The following ARHGAP26 variants were observed in gnomAD, a reference collection of about 807,000 sequenced individuals.
ARHGAP26 encodes the protein Rho GTPase activating protein 26.
A neutral mutation model predicts 104.8 loss-of-function variants in ARHGAP26; 38 were observed. The observed-to-expected ratio is 0.36, with a 90% confidence interval of 0.28 to 0.48. The LOEUF (loss-of-function observed/expected upper bound fraction) is 0.48. ARHGAP26 is among the 20% of genes least tolerant of loss of function. The pLI is 0.99. For missense variants in ARHGAP26, 704 were observed against 947.9 expected (o/e 0.74, Z 3.38); for synonymous variants, 341 against 340.0 (o/e 1.00, Z -0.03).
intron 6 of ARHGAP26, among the ~76,000 whole-genome samples, chr5:142,895,237 T>C (rs1759298253): frequency 1.3e-5 from 2 of 152,158 alleles, no homozygotes; most frequent in Admixed American, 6.5e-5. Flanking sequence ...CTTTTTTCTT[T>C]TTTTTTTCTT....
chr5:143,159,648 G>A (rs536050768), intron 20 of ARHGAP26, among the ~76,000 whole-genome samples: 2 of 152,296 alleles, frequency 1.3e-5, no homozygotes, highest in South Asian at 4.1e-4. Context: ...GGTCTGAGTG[G>A]TGGTATGTTT....
intron 11 of ARHGAP26, among the ~76,000 whole-genome samples, chr5:142,984,237 T>G (rs189584856): frequency 1.3e-5 from 2 of 152,344 alleles, no homozygotes; most frequent in Non-Finnish European, 2.9e-5. Flanking sequence ...CCTGTATATA[T>G]CCACTTATGT....
intron 17 of ARHGAP26, among the ~76,000 whole-genome samples, chr5:143,104,463 A>T (rs1177381639): frequency 2.6e-5 from 4 of 151,778 alleles, no homozygotes; most frequent in Non-Finnish European, 5.9e-5. Context: ...GTGAGCCGAG[A>T]TCACACCACT....
intron 22 of ARHGAP26, among the ~76,000 whole-genome samples, chr5:143,221,254 T>C (rs2151432196): frequency 6.6e-6 from 1 of 152,200 alleles, no homozygotes; most frequent in Admixed American, 6.5e-5. Context: ...AAAGTAGATA[T>C]ATATTCTTTG....
At chr5:142,821,743 G>A (rs392926) in intron 1 of ARHGAP26, among the ~76,000 whole-genome samples, 45,552 of 152,018 alleles carry the variant, frequency 0.3, 9,359 homozygotes, top group African/African-American at 0.57. Context: ...ACAATTTCCA[G>A]TGCCAACTCT....
chr5:143,185,551 T>C (rs1484238558), intron 20 of ARHGAP26, among the ~76,000 whole-genome samples: 2 of 152,250 alleles, frequency 1.3e-5, no homozygotes, highest in African/African-American at 4.8e-5. Flanking sequence ...TGTTTATTTT[T>C]GCTTTTCCAA....
At chr5:143,023,461 G>A (rs1780617186) in intron 12 of ARHGAP26, among the ~76,000 whole-genome samples, 1 of 151,776 alleles carries the variant, frequency 6.6e-6, no homozygotes, top group Admixed American at 6.6e-5. Context: ...GACATCTAAA[G>A]CCTTCAGCCA....
chr5:143,213,100 G>A (rs112845750), intron 21 of ARHGAP26, among the ~76,000 whole-genome samples: 112 of 152,082 alleles, frequency 7.4e-4, no homozygotes, highest in Non-Finnish European at 1.2e-3. Context: ...AGCCGAGATC[G>A]CACCACTGCA....
chr5:142,820,798 A>G (rs1646368991), intron 1 of ARHGAP26, among the ~76,000 whole-genome samples: 1 of 152,268 alleles, frequency 6.6e-6, no homozygotes, highest in Non-Finnish European at 1.5e-5. Context: ...TGTGTCAGGC[A>G]CATCACGTAT....
chr5:142,829,284 A>T (rs1767924913), intron 1 of ARHGAP26, among the ~76,000 whole-genome samples: 1 of 152,168 alleles, frequency 6.6e-6, no homozygotes, highest in South Asian at 2.1e-4. Flanking sequence ...ATGATTATTA[A>T]CAGTGCCCCC....
intron 11 of ARHGAP26, among the ~76,000 whole-genome samples, chr5:142,964,571 CAA>C (rs1365701830): frequency 1.5e-5 from 2 of 136,840 alleles, no homozygotes; most frequent in East Asian, 5.3e-4. Flanking sequence ...CACACACACA[CAA>C]AACAACAACA....
intron 1 of ARHGAP26, among the ~76,000 whole-genome samples, chr5:142,872,057 G>A (rs1247009844): frequency 2.0e-5 from 3 of 152,152 alleles, no homozygotes; most frequent in African/African-American, 7.2e-5. Flanking sequence ...CACAGCCCAC[G>A]CCCAGCTCTT....
intron 20 of ARHGAP26, chr5:143,170,085 G>A (rs554315744): frequency 1.3e-5 from 2 of 152,300 alleles, no homozygotes; most frequent in African/African-American, 4.8e-5. Flanking sequence ...TTCATTATCA[G>A]TGCCCATTAC....
rs78278066 is a variant in ARHGAP26, at chr5:143,133,347, G to A, written c.1699-620G>A. Among the ~76,000 whole-genome samples the A allele has an allele frequency of 5.3e-3, 807 of 152,196 alleles. 17 individuals carry two copies. Among genetic ancestry groups the A allele is most frequent in the South Asian group, 0.051 (246 of 4,820 alleles). ...GCATTTTTCAAATTGTCCATAGTAC[G>A]TGTGTGGGTGTGTGTGTGTTACTTT... On this transcript the variant is annotated intron_variant, in intron 18 of 22. Transcript: ENST00000645722.
intron 12 of ARHGAP26, among the ~76,000 whole-genome samples, chr5:143,025,096 A>G (rs1235707174): frequency 6.6e-6 from 1 of 152,202 alleles, no homozygotes; most frequent in Non-Finnish European, 1.5e-5. Context: ...ATTACCAATA[A>G]TGTCATCATT....
At chr5:142,897,228 A>G (rs1759597644) in intron 6 of ARHGAP26, among the ~76,000 whole-genome samples, 1 of 152,220 alleles carries the variant, frequency 6.6e-6, no homozygotes, top group Non-Finnish European at 1.5e-5. Flanking sequence ...CGTAGTGTGC[A>G]GATGTTTTTC....
intron 10 of ARHGAP26, among the ~76,000 whole-genome samples, chr5:142,925,588 C>T (rs1351630321): frequency 6.6e-6 from 1 of 152,184 alleles, no homozygotes; most frequent in Non-Finnish European, 1.5e-5. Context: ...AATTCATTTT[C>T]CCAGTAGCAC....
intron 20 of ARHGAP26, chr5:143,169,803 G>A (rs1200966878): frequency 6.6e-6 from 1 of 152,072 alleles, no homozygotes; most frequent in Non-Finnish European, 1.5e-5. Flanking sequence ...TTTCTTATGG[G>A]GACTTCGTGA....
intron 15 of ARHGAP26, among the ~76,000 whole-genome samples, chr5:143,054,739 T>C (rs1200499751): frequency 2.0e-5 from 3 of 152,230 alleles, no homozygotes; most frequent in Non-Finnish European, 4.4e-5. Context: ...CCCTGAGTGA[T>C]TTAGGAAACT....
Sources: allele counts gnomAD v4.1 joint callset (sites outside exome capture counted in the v4.1 genomes callset), GRCh38; gene constraint gnomAD v4.1.1; transcripts MANE v1.5; gene names NCBI Gene and HGNC (gene_info 2026-07-23, HGNC 2026-07-21).